The following CACNA1E variants were observed in gnomAD, a reference collection of about 807,000 sequenced individuals.
CACNA1E encodes calcium voltage-gated channel subunit alpha1 E.
In CACNA1E, 40 loss-of-function variants were observed where a neutral mutation model predicts 259.2. The ratio of observed to expected loss-of-function variants is 0.15; its 90% confidence interval spans 0.12 to 0.20. CACNA1E has a LOEUF of 0.20. Ranked by LOEUF, CACNA1E falls within the 10% of genes least tolerant of loss-of-function variation. The pLI is 1.00. For synonymous variants in CACNA1E, 1,104 were observed against 1,138.5 expected (o/e 0.97, Z 0.61); for missense variants, 1,874 against 3,040.1 (o/e 0.62, Z 9.02).
In CACNA1E at chr1:181,726,148, C is replaced by T; in HGVS notation, c.2226C>T (p.Asn742=). Residue 742 remains asparagine (N), a synonymous_variant, in exon 18 of 48, where the codon AAC becomes AAT. Coordinates refer to ENST00000367573, the MANE Select transcript of CACNA1E (RefSeq NM_001205293.3). ...AGGTCAGCCCGATGTCTGCACCCAA[C>T]ATGCCTTCGATCGAGTGAGTCAGCT... ...AKEVSPMSAP[N]MPSIERDRRR... 6.2e-7 allele frequency: 1 copy of T among 1,612,072 alleles called. No homozygotes were observed. Among genetic ancestry groups the T allele is most frequent in the East Asian group, 2.2e-5 (1 of 44,840 alleles).
intron 7 of CACNA1E, among the ~76,000 whole-genome samples, chr1:181,701,382 G>A (rs907150851): frequency 1.7e-4 from 26 of 152,330 alleles, no homozygotes; most frequent in Non-Finnish European, 3.4e-4. Flanking sequence ...TGTGGGGGGT[G>A]TAGATGGAGG....
chr1:181,608,289 G>A (rs1328576659), intron 6 of CACNA1E, among the ~76,000 whole-genome samples: 1 of 152,156 alleles, frequency 6.6e-6, no homozygotes, highest in East Asian at 1.9e-4. Flanking sequence ...GGAACGATGA[G>A]GATATCCAGG....
At position 181,736,288 on chromosome 1, in the gene CACNA1E, G is replaced by T; in HGVS notation, c.3276G>T (p.Thr1092=). The change falls in exon 22 of 48, where the codon ACG becomes ACT. Residue 1092 remains threonine, a synonymous_variant. Coordinates refer to ENST00000367573, the MANE Select transcript of CACNA1E (RefSeq NM_001205293.3). Reference sequence around the variant, plus strand: ...TTCCTCTTGCAGTTAGCAACAAGACGGATGGGGAAGCCAGTCCCTTGAAGG... The same window carrying T: ...TTCCTCTTGCAGTTAGCAACAAGACTGATGGGGAAGCCAGTCCCTTGAAGG... The part of the protein sequence containing the change: ...DSTVVHISNK[T]DGEASPLKEA... 2 of 1,592,582 alleles carry T rather than the reference G, an allele frequency of 1.3e-6. No individual in the cohort carries two copies. Among genetic ancestry groups the T allele is most frequent in the East Asian group, 2.3e-5 (1 of 44,022 alleles).
At chr1:181,565,887 G>A (rs1024640411) in intron 3 of CACNA1E, among the ~76,000 whole-genome samples, 2 of 137,550 alleles carry the variant, frequency 1.5e-5, no homozygotes, top group Non-Finnish European at 3.2e-5. Context: ...GGTCCTGGGG[G>A]GTACCTGCGG....
intron 32 of CACNA1E, 140 bp downstream of exon 32, chr1:181,759,008 A>C (rs1572820734): frequency 1.7e-6 from 1 of 596,464 alleles, no homozygotes. Context: ...TGCTCAGTAA[A>C]CTGCCGTAGA....
chr1:181,660,474 G>A (rs1647537968), intron 7 of CACNA1E, among the ~76,000 whole-genome samples: 2 of 152,128 alleles, frequency 1.3e-5, no homozygotes, highest in Non-Finnish European at 2.9e-5. Context: ...ATATATGCAG[G>A]TCACTAATGT....
intron 6 of CACNA1E, among the ~76,000 whole-genome samples, chr1:181,587,592 T>C (rs1011906441): frequency 6.6e-5 from 10 of 152,120 alleles, no homozygotes; most frequent in Non-Finnish European, 8.8e-5. Context: ...TTTTAAAATG[T>C]GACTCTTAGG....
intron 6 of CACNA1E, among the ~76,000 whole-genome samples, chr1:181,631,521 C>T (rs3908956): frequency 0.19 from 29,173 of 152,060 alleles, 3,138 homozygotes; most frequent in South Asian, 0.35. Flanking sequence ...TGGTGTTCAG[C>T]AAGAAGAGAG....
At chr1:181,583,017 C>T (rs914041066) in intron 6 of CACNA1E, among the ~76,000 whole-genome samples, 5 of 151,902 alleles carry the variant, frequency 3.3e-5, no homozygotes, top group Admixed American at 2.6e-4. Flanking sequence ...TCCTGCTATT[C>T]TGATGGCTGG....
chr1:181,526,793 G>C (rs1328800090), intron 3 of CACNA1E, among the ~76,000 whole-genome samples: 1 of 152,042 alleles, frequency 6.6e-6, no homozygotes, highest in East Asian at 1.9e-4. Flanking sequence ...TTCCTTACTG[G>C]GAAATGAAGG....
At chr1:181,494,599 C>T (rs1664590587) in intron 1 of CACNA1E, among the ~76,000 whole-genome samples, 1 of 152,180 alleles carries the variant, frequency 6.6e-6, no homozygotes, top group Non-Finnish European at 1.5e-5. Flanking sequence ...GGCTCTACTT[C>T]AAACAAGTGT....
At chr1:181,318,006 C>T (rs1571545864) in exon 1 of CACNA1E, 1 of 152,078 alleles carries the variant, frequency 6.6e-6, no homozygotes, top group African/African-American at 2.4e-5. Context: ...TTTCTCCTCC[C>T]CCGTCTTCGC....
chr1:181,715,304 CA>C, intron 8 of CACNA1E, 33 bp from the exon 9 acceptor site: 1 of 1,389,506 alleles, frequency 7.2e-7, no homozygotes, highest in Non-Finnish European at 1.0e-6. Flanking sequence ...TTGGCATTTA[CA>C]GATAATTTAC....
At chr1:181,384,131 A>C (rs1655664666) in intron 1 of CACNA1E, among the ~76,000 whole-genome samples, 1 of 152,186 alleles carries the variant, frequency 6.6e-6, no homozygotes, top group Admixed American at 6.5e-5. Flanking sequence ...TGATGCAAGG[A>C]TTCTGGTTCC....
intron 1 of CACNA1E, among the ~76,000 whole-genome samples, chr1:181,395,196 T>C (rs766759464): frequency 2.0e-5 from 3 of 152,170 alleles, no homozygotes; most frequent in Non-Finnish European, 4.4e-5. Context: ...TCGATCTTTT[T>C]ATATATCTTG....
At chr1:181,726,192 T>C (rs1654893629) in intron 18 of CACNA1E, 30 bp downstream of exon 18, 1 of 1,489,856 alleles carries the variant, frequency 6.7e-7, no homozygotes, top group African/African-American at 1.4e-5. Context: ...CACTGATCCC[T>C]GAGCTCCTGT....
chr1:181,629,859 G>T (rs957588498), intron 6 of CACNA1E, among the ~76,000 whole-genome samples: 5 of 152,170 alleles, frequency 3.3e-5, no homozygotes, highest in Non-Finnish European at 7.4e-5. Context: ...ACATGAGTAG[G>T]AAGATTAGTG....
At chr1:181,479,172 T>A (rs1663064646), upstream of CACNA1E, among the ~76,000 whole-genome samples, 1 of 152,146 alleles carries the variant, frequency 6.6e-6, no homozygotes, top group African/African-American at 2.4e-5. Flanking sequence ...TTCCAACTAC[T>A]GTGAGATGGG....
At chr1:181,730,759 A>G (rs1439781119) in intron 18 of CACNA1E, among the ~76,000 whole-genome samples, 1 of 152,202 alleles carries the variant, frequency 6.6e-6, no homozygotes, top group East Asian at 1.9e-4. Context: ...GCCACACCCA[A>G]TGAATGTGCT....
Sources: allele counts gnomAD v4.1 joint callset (sites outside exome capture counted in the v4.1 genomes callset), GRCh38; gene constraint gnomAD v4.1.1; transcripts MANE v1.5; gene names NCBI Gene and HGNC (gene_info 2026-07-23, HGNC 2026-07-21).